RBMS3: variants seen among roughly 807,000 people sequenced by gnomAD.
The protein encoded by RBMS3 is RNA binding motif single stranded interacting protein 3, also known as RNA-binding motif, single-stranded-interacting protein 3.
In RBMS3, 27 loss-of-function variants were observed where a neutral mutation model predicts 66.8. The ratio of observed to expected loss-of-function variants is 0.40; its 90% confidence interval spans 0.30 to 0.56. The LOEUF is 0.56. RBMS3 is among the 20% of genes least tolerant of loss of function. RBMS3 has a pLI of 0.40. For synonymous variants in RBMS3, 188 were observed against 183.0 expected (o/e 1.03, Z -0.22); for missense variants, 513 against 549.5 (o/e 0.93, Z 0.66).
At chr3:29,378,394 A>C (rs1219532925) in intron 1 of RBMS3, among the ~76,000 whole-genome samples, 1 of 151,268 alleles carries the variant, frequency 6.6e-6, no homozygotes, top group Admixed American at 6.6e-5. Context: ...ATGGCATGAA[A>C]CCCGGAGGCG....
At chr3:29,594,019 AT>A (rs376746194) in intron 4 of RBMS3, among the ~76,000 whole-genome samples, 5 of 152,214 alleles carry the variant, frequency 3.3e-5, no homozygotes, top group African/African-American at 1.2e-4. Flanking sequence ...ATCACGTGAC[AT>A]TTGAACATGT....
chr3:29,867,551 T>G (rs2059392079), intron 6 of RBMS3, among the ~76,000 whole-genome samples: 1 of 147,080 alleles, frequency 6.8e-6, no homozygotes, highest in African/African-American at 2.5e-5. Flanking sequence ...TGACGTACCT[T>G]TATTCGCATC....
intron 5 of RBMS3, among the ~76,000 whole-genome samples, chr3:29,750,882 T>TAATTTTAG (rs1243410497): frequency 6.6e-6 from 1 of 152,250 alleles, no homozygotes; most frequent in Admixed American, 6.5e-5. Flanking sequence ...AATTAAAAGA[T>TAATTTTAG]AATTTTAGAA....
intron 6 of RBMS3, among the ~76,000 whole-genome samples, chr3:29,842,732 T>C (rs1309972759): frequency 2.0e-5 from 3 of 152,148 alleles, no homozygotes; most frequent in Non-Finnish European, 4.4e-5. Context: ...CCAAGTGTAA[T>C]TGTTAGGATC....
intron 2 of RBMS3, among the ~76,000 whole-genome samples, chr3:29,460,841 A>G (rs1468635391): frequency 1.3e-4 from 20 of 152,190 alleles, no homozygotes; most frequent in Admixed American, 1.3e-3. Context: ...CTCAGAGAAC[A>G]GTGTCTGATT....
At chr3:29,403,704 CTTCTT>C (rs1007599192) in intron 1 of RBMS3, among the ~76,000 whole-genome samples, 13 of 151,926 alleles carry the variant, frequency 8.6e-5, no homozygotes, top group Non-Finnish European at 1.8e-4. Context: ...ATAATTATTC[CTTCTT>C]TTCTTTTCTG....
chr3:29,925,435 G>A (rs2060911587), intron 10 of RBMS3, among the ~76,000 whole-genome samples: 1 of 152,104 alleles, frequency 6.6e-6, no homozygotes, highest in Admixed American at 6.5e-5. Context: ...AAAAGAAAGG[G>A]AATTTTTTTG....
At chr3:29,827,247 G>T (rs1331830759) in intron 6 of RBMS3, among the ~76,000 whole-genome samples, 1 of 152,156 alleles carries the variant, frequency 6.6e-6, no homozygotes, top group East Asian at 1.9e-4. Context: ...ACTTATGGAT[G>T]CATTCTAATT....
At chr3:29,698,401 T>G in intron 4 of RBMS3, 1 of 985,362 alleles carries the variant, frequency 1.0e-6, no homozygotes, top group Non-Finnish European at 1.2e-6. Context: ...TCATGTAAAT[T>G]CTATAGCCAG....
intron 1 of RBMS3, among the ~76,000 whole-genome samples, chr3:29,376,799 A>T (rs1295981673): frequency 6.6e-6 from 1 of 152,152 alleles, no homozygotes; most frequent in Non-Finnish European, 1.5e-5. Context: ...CCAGCTACTC[A>T]GGAGGCTGAG....
chr3:29,988,017 T>C (rs1698547851), intron 12 of RBMS3, 126 bp from the exon 13 acceptor site: 1 of 710,092 alleles, frequency 1.4e-6, no homozygotes, highest in Non-Finnish European at 2.3e-6. Context: ...TTAGTGAAAA[T>C]TGAGCTGGGA....
chr3:29,967,384 C>T (rs1330720349), intron 12 of RBMS3, among the ~76,000 whole-genome samples: 1 of 152,128 alleles, frequency 6.6e-6, no homozygotes, highest in Non-Finnish European at 1.5e-5. Flanking sequence ...CAACCTCTGC[C>T]TCCCGAGTTC....
intron 6 of RBMS3, among the ~76,000 whole-genome samples, chr3:29,847,374 T>A (rs1199879444): frequency 6.6e-6 from 1 of 152,196 alleles, no homozygotes; most frequent in Non-Finnish European, 1.5e-5. Context: ...TATGACTTTG[T>A]AACCCAGGGT....
chr3:29,483,029 A>T (rs1168917571), intron 2 of RBMS3, among the ~76,000 whole-genome samples: 1 of 151,934 alleles, frequency 6.6e-6, no homozygotes, highest in Non-Finnish European at 1.5e-5. Flanking sequence ...TTAAAGTATT[A>T]TATGAAGGAA....
intron 1 of RBMS3, among the ~76,000 whole-genome samples, chr3:29,369,920 C>T (rs1270752088): frequency 6.6e-6 from 1 of 152,082 alleles, no homozygotes; most frequent in Non-Finnish European, 1.5e-5. Context: ...CAATTCCAAA[C>T]CTCCGAGACT....
rs1024994863 is a variant in RBMS3 at position 29,650,352 on chromosome 3, G to A, written c.399+63147G>A. 2.7e-5 allele frequency among the ~76,000 whole-genome samples: 4 copies of A among 148,286 alleles called. No homozygotes were observed. In the East Asian group the frequency reaches 6.0e-4, roughly 22 times the overall value. ...AAGCTGGAGGCTGGAGTGCAGTGGC[G>A]TGATCACAACTCAATACAGCCTCAA... is the stretch of plus-strand genomic sequence containing the variant. On this transcript the variant is annotated intron_variant, in intron 4 of 14. Transcript: ENST00000383767.
intron 1 of RBMS3, among the ~76,000 whole-genome samples, chr3:29,342,568 A>C (rs913856649): frequency 6.6e-6 from 1 of 152,168 alleles, no homozygotes; most frequent in Admixed American, 6.6e-5. Context: ...TAAAGCTTGG[A>C]TCGTGAAAAC....
At chr3:29,981,375 A>C (rs2149782980) in intron 12 of RBMS3, among the ~76,000 whole-genome samples, 1 of 152,314 alleles carries the variant, frequency 6.6e-6, no homozygotes, top group Middle Eastern at 3.4e-3. Context: ...TCATCTGCAA[A>C]CAGAGACAAT....
intron 6 of RBMS3, among the ~76,000 whole-genome samples, chr3:29,772,388 T>G (rs2056248541): frequency 6.6e-6 from 1 of 152,192 alleles, no homozygotes; most frequent in African/African-American, 2.4e-5. Flanking sequence ...AGACTATTCC[T>G]ATATTACATT....
Sources: allele counts gnomAD v4.1 joint callset (sites outside exome capture counted in the v4.1 genomes callset), GRCh38; gene constraint gnomAD v4.1.1; transcripts MANE v1.5; gene names NCBI Gene and HGNC (gene_info 2026-07-23, HGNC 2026-07-21).